Variants in VWA8 observed in about 807,000 individuals in gnomAD.
The protein encoded by VWA8 is von Willebrand factor A domain containing 8.
In VWA8, 221 loss-of-function variants were observed where a neutral mutation model predicts 241.5. The ratio of observed to expected loss-of-function variants is 0.91; its 90% CI spans 0.82 to 1.02. The LOEUF (loss-of-function observed/expected upper bound fraction) is 1.02. Ranked by LOEUF, VWA8 falls within the 50% of genes least tolerant of loss-of-function variation. The pLI is 0.00. For synonymous variants in VWA8, 852 were observed against 827.1 expected, an observed-to-expected ratio of 1.03 and a Z score of -0.52; for missense variants, 2,322 against 2,328.7, an observed-to-expected ratio of 1.00 and a Z score of 0.06.
intron 20 of VWA8, among the ~76,000 whole-genome samples, chr13:41,771,035 A>G (rs1381952078): frequency 6.6e-6 from 1 of 152,154 alleles, no homozygotes; most frequent in Non-Finnish European, 1.5e-5. Context: ...TTACTTTGAA[A>G]TTTTGTCTAA....
intron 12 of VWA8, among the ~76,000 whole-genome samples, chr13:41,850,697 G>A (rs1057128661): frequency 3.3e-5 from 5 of 152,058 alleles, no homozygotes; most frequent in South Asian, 2.1e-4. Context: ...GGCTGGGTTG[G>A]CTGGTAAAAA....
At chr13:41,678,012 C>T (rs567511315) in intron 35 of VWA8, among the ~76,000 whole-genome samples, 49 of 152,284 alleles carry the variant, frequency 3.2e-4, no homozygotes, top group African/African-American at 1.0e-3. Context: ...GCATATTTTG[C>T]GCCAGACATC....
intron 37 of VWA8, among the ~76,000 whole-genome samples, chr13:41,622,261 A>G (rs1566391239): frequency 6.6e-6 from 1 of 152,148 alleles, no homozygotes; most frequent in Non-Finnish European, 1.5e-5. Context: ...ACAGAAAGAA[A>G]CTGGAACATA....
chr13:41,819,524 G>A (rs1450470411), intron 14 of VWA8, 138 bp from the exon 15 acceptor site: 2 of 969,648 alleles, frequency 2.1e-6, no homozygotes, highest in Non-Finnish European at 2.9e-6. Flanking sequence ...GATTAGCTTT[G>A]AAAAAAACAA....
intron 20 of VWA8, among the ~76,000 whole-genome samples, chr13:41,770,938 G>T (rs1177595227): frequency 1.4e-5 from 2 of 146,468 alleles, no homozygotes; most frequent in Non-Finnish European, 3.0e-5. Flanking sequence ...CAAACCCTGG[G>T]AAGTGATTTT....
chr13:41,680,206 G>A (rs766528835), intron 35 of VWA8, among the ~76,000 whole-genome samples: 11 of 151,904 alleles, frequency 7.2e-5, no homozygotes, highest in Non-Finnish European at 1.5e-4. Flanking sequence ...ATCATGTTTT[G>A]TTTGTTTAGT....
intron 12 of VWA8, among the ~76,000 whole-genome samples, chr13:41,853,807 C>T (rs986405091): frequency 3.9e-5 from 6 of 152,090 alleles, no homozygotes; most frequent in East Asian, 3.8e-4. Context: ...CTTAGTTACA[C>T]GGATCTTTTC....
chr13:41,841,848 TATATATATATAAAA>T (rs1872064550), intron 12 of VWA8, among the ~76,000 whole-genome samples: 1 of 81,930 alleles, frequency 1.2e-5, no homozygotes. Context: ...TATATATATA[TATATATATATAAAA>T]ACAGTAGACA....
intron 2 of VWA8, among the ~76,000 whole-genome samples, chr13:41,943,730 A>T (rs570922579): frequency 6.6e-6 from 1 of 152,324 alleles, no homozygotes; most frequent in Non-Finnish European, 1.5e-5. Context: ...TATATACTTC[A>T]CAAAAGTAGA....
intron 43 of VWA8, among the ~76,000 whole-genome samples, chr13:41,573,484 A>ATATATCT (rs796873882): frequency 3.4e-5 from 4 of 117,028 alleles, no homozygotes; most frequent in Admixed American, 8.8e-5. Context: ...TAAAAAAAAA[A>ATATATCT]AAATATATAT....
intron 29 of VWA8, chr13:41,696,069 C>T (rs1244709718): frequency 6.6e-6 from 1 of 151,914 alleles, no homozygotes; most frequent in African/African-American, 2.4e-5. Context: ...TATCATGTAC[C>T]TTTTATGACA....
chr13:41,611,831 T>C lies in VWA8; in HGVS notation c.4721-99A>G, dbSNP rs540023287. The C allele has an allele frequency of 1.3e-5, 17 of 1,356,756 alleles. No homozygotes were observed. The South Asian group carries it at 2.1e-4, about 16-fold the overall frequency. 84.0% of individuals were successfully genotyped at this position (1,356,756 alleles called of 1,614,324 possible). Reference sequence around the variant, plus strand: ...AGGACAGCCTTGTGGAGGATATTAATTGTACTTAACTAGTAATTAAACAGT... The same window carrying C: ...AGGACAGCCTTGTGGAGGATATTAACTGTACTTAACTAGTAATTAAACAGT... On this transcript the variant is annotated intron_variant, in intron 38 of 44. Transcript: ENST00000379310.
chr13:41,949,639 G>GT (rs1055385677), intron 2 of VWA8, among the ~76,000 whole-genome samples: 4 of 151,304 alleles, frequency 2.6e-5, no homozygotes, highest in African/African-American at 9.7e-5. Context: ...AAAAAAAAAA[G>GT]TTCTGTGCAT....
chr13:41,626,987 A>G (rs1437515719), intron 37 of VWA8, among the ~76,000 whole-genome samples: 2 of 152,142 alleles, frequency 1.3e-5, no homozygotes, highest in African/African-American at 4.8e-5. Flanking sequence ...GAGACAACCT[A>G]TGGAGTGGGA....
intron 37 of VWA8, among the ~76,000 whole-genome samples, chr13:41,639,983 T>C (rs1216725665): frequency 6.6e-6 from 1 of 152,090 alleles, no homozygotes; most frequent in Non-Finnish European, 1.5e-5. Context: ...AACATCAGCA[T>C]AGCAAATGGG....
intron 19 of VWA8, among the ~76,000 whole-genome samples, chr13:41,778,300 G>A (rs1868711364): frequency 6.6e-6 from 1 of 152,024 alleles, no homozygotes; most frequent in Non-Finnish European, 1.5e-5. Context: ...ACATTTCAGA[G>A]TTTTTAATAA....
chr13:41,936,022 CT>C (rs1216152695), intron 2 of VWA8, among the ~76,000 whole-genome samples: 2 of 151,926 alleles, frequency 1.3e-5, no homozygotes, highest in East Asian at 1.9e-4. Context: ...TACATTTATC[CT>C]TTTTTAGGTA....
At chr13:41,772,137 G>A (rs902110459) in intron 20 of VWA8, among the ~76,000 whole-genome samples, 4 of 151,188 alleles carry the variant, frequency 2.6e-5, no homozygotes, top group South Asian at 2.1e-4. Context: ...TGATCCGCCC[G>A]CCTCGGCCTC....
chr13:41,854,508 A>G (rs1240017216), intron 12 of VWA8, among the ~76,000 whole-genome samples: 1 of 149,976 alleles, frequency 6.7e-6, no homozygotes, highest in Non-Finnish European at 1.5e-5. Context: ...TATTTTATAT[A>G]TATTTTCCTA....
Sources: allele counts gnomAD v4.1 joint callset (sites outside exome capture counted in the v4.1 genomes callset), GRCh38; gene constraint gnomAD v4.1.1; transcripts MANE v1.5; gene names NCBI Gene and HGNC (gene_info 2026-07-23, HGNC 2026-07-21).